NOSTRIN: variants seen among roughly 807,000 people sequenced by gnomAD.
NOSTRIN encodes nitric oxide synthase trafficking.
NOSTRIN carries 63 observed loss-of-function variants against 59.0 expected under a neutral mutation model. That is an observed-to-expected ratio of 1.07 (90% CI 0.87 to 1.32). The LOEUF (loss-of-function observed/expected upper bound fraction) is 1.32. Among genes scored for constraint, NOSTRIN ranks in the 40% most tolerant of loss-of-function variants. The probability of loss-of-function intolerance (pLI) is 0.00; values close to 1 mark genes in which losing one functional copy is unlikely to be tolerated. For missense variants in NOSTRIN, 512 were observed against 473.1 expected (o/e 1.08, Z -0.76); for synonymous variants, 200 against 165.4 (o/e 1.21, Z -1.61).
At chr2:168,830,818 CT>C (rs1247818006) in intron 5 of NOSTRIN, among the ~76,000 whole-genome samples, 2 of 152,190 alleles carry the variant, frequency 1.3e-5, no homozygotes, top group African/African-American at 4.8e-5. Context: ...GAGGTTTTTG[CT>C]GCATGGATTG....
intron 8 of NOSTRIN, among the ~76,000 whole-genome samples, chr2:168,844,064 A>C (rs1441236753): frequency 6.6e-6 from 1 of 152,236 alleles, no homozygotes; most frequent in Non-Finnish European, 1.5e-5. Context: ...AACCTCGAAA[A>C]ACATGATGTT....
chr2:168,849,981 T>C (rs1688661136), intron 8 of NOSTRIN, among the ~76,000 whole-genome samples: 1 of 150,768 alleles, frequency 6.6e-6, no homozygotes, highest in Admixed American at 6.6e-5. Context: ...AGTAGCATGA[T>C]CTCGGCTCAC....
chr2:168,818,414 T>C lies in NOSTRIN; in HGVS notation c.114-6220T>C, dbSNP rs150020594. 1.8e-3 allele frequency: 300 copies of C among 167,812 alleles called. 1 individual carries two copies. Among genetic ancestry groups the C allele is most frequent in the African/African-American group, 6.6e-3 (281 of 42,558 alleles). 10.4% of individuals were successfully genotyped at this position (167,812 alleles called of 1,614,324 possible). On this transcript the variant is annotated intron_variant, in intron 2 of 15. Transcript: ENST00000317647. The stretch of plus-strand genomic sequence containing the variant: ...TTAATGATTCTCCTACCTCGGCCTC[T>C]GGAGTAGATGGGATTAGAGGTGCAA...
intron 4 of NOSTRIN, 33 bp downstream of exon 4, chr2:168,828,253 C>A (rs777593240): frequency 1.1e-6 from 1 of 872,794 alleles, no homozygotes; most frequent in Admixed American, 1.7e-5. Context: ...TTCTCCAACT[C>A]CAAAGGGAAT....
Position 168,828,230 on chromosome 2 carries a change from C to G in NOSTRIN, c.260+10C>G. On this transcript the variant is annotated intron_variant, in intron 4 of 15. Transcript: ENST00000317647. Reference sequence around the variant, plus strand: ...CAGCGGACCTGCATCAGTGAGTTCTCCCACCCTGGCCTTTCTCCAACTCCA... The same window carrying G: ...CAGCGGACCTGCATCAGTGAGTTCTGCCACCCTGGCCTTTCTCCAACTCCA... 3 of 872,920 alleles carry G rather than the reference C, an allele frequency of 3.4e-6. No homozygotes were observed. The highest frequency in any genetic ancestry group is 6.0e-6 in the Non-Finnish European group (3 of 501,660). 54.1% of individuals were successfully genotyped at this position (872,920 alleles called of 1,614,324 possible).
chr2:168,847,390 C>T (rs1688494169), intron 8 of NOSTRIN, among the ~76,000 whole-genome samples: 1 of 152,094 alleles, frequency 6.6e-6, no homozygotes, highest in African/African-American at 2.4e-5. Flanking sequence ...TCCTGATCAC[C>T]TCCCTAGACC....
intron 2 of NOSTRIN, among the ~76,000 whole-genome samples, chr2:168,813,801 C>CAAAGA (rs1686269784): frequency 1.3e-5 from 2 of 152,032 alleles, no homozygotes; most frequent in Non-Finnish European, 2.9e-5. Flanking sequence ...TAATATTTTA[C>CAAAGA]CTAGATCAAA....
At position 168,851,328 on chromosome 2, in the gene NOSTRIN, A is replaced by T. The variant is rs775623768; in HGVS notation, c.779A>T (p.Asp260Val). The change falls in exon 10 of 16, where the codon GAT (aspartate) becomes GTT (valine). Residue 260 changes from aspartate (D) to valine (V), a missense_variant. Physicochemically the swap from Asp to Val is radical, Grantham distance 152 (BLOSUM62 -3). Coordinates refer to ENST00000317647, the MANE Select transcript of NOSTRIN (RefSeq NM_001039724.4). ...ATCAGCAAGATTGACATTGAAAAAG[A>T]TATCCAGGCTGTAATGGAAGAAACT... ...CAISKIDIEK[D>V]IQAVMEETAI... 1.1e-5 allele frequency: 17 copies of T among 1,613,846 alleles called. No individual in the cohort carries two copies. The Admixed American group carries it at 2.7e-4, about 25-fold the overall frequency.
intron 1 of NOSTRIN, among the ~76,000 whole-genome samples, chr2:168,808,466 T>C (rs1433329459): frequency 1.3e-5 from 2 of 152,210 alleles, no homozygotes; most frequent in Non-Finnish European, 2.9e-5. Context: ...AGCTTTATAG[T>C]GTGTTTGAGA....
intron 2 of NOSTRIN, among the ~76,000 whole-genome samples, chr2:168,821,767 A>C (rs1686756987): frequency 6.6e-6 from 1 of 152,242 alleles, no homozygotes; most frequent in South Asian, 2.1e-4. Flanking sequence ...GGCCACAGCA[A>C]GTGCAAAGGC....
At position 168,811,576 on chromosome 2, in the gene NOSTRIN, G is replaced by A; in HGVS notation, c.37G>A (p.Val13Ile). 2.4e-6 allele frequency: 2 copies of A among 850,978 alleles called. No individual in the cohort carries two copies. The highest frequency in any genetic ancestry group is 2.0e-6 in the Non-Finnish European group (1 of 492,482). 52.7% of individuals were successfully genotyped at this position (850,978 alleles called of 1,614,324 possible). A position where few individuals can be genotyped will look rare whatever the true frequency, so the allele number is the denominator to read the frequency against. The stretch of plus-strand genomic sequence containing the variant: ...TGTTCTTGTTTTTCAGTATAATAAA[G>A]TATACAAGAACCTAAAGGAGTTTTC... ...DPLTDCPYNK[V>I]YKNLKEFSQN... The change falls in exon 2 of 16, where the codon GTA (valine) becomes ATA (isoleucine). Residue 13 changes from valine to isoleucine, a missense_variant. Val to Ile is a conservative substitution (Grantham distance 29). Coordinates refer to ENST00000317647, the MANE Select transcript of NOSTRIN (RefSeq NM_001039724.4).
chr2:168,834,558 C>T (rs1687610068), intron 7 of NOSTRIN, among the ~76,000 whole-genome samples: 1 of 131,672 alleles, frequency 7.6e-6, no homozygotes, highest in Admixed American at 7.5e-5. Flanking sequence ...ACATTTTAAA[C>T]TTTATTTTAA....
At chr2:168,861,409 G>A (rs1312316831) in intron 14 of NOSTRIN, among the ~76,000 whole-genome samples, 1 of 151,378 alleles carries the variant, frequency 6.6e-6, no homozygotes, top group African/African-American at 2.4e-5. Flanking sequence ...ACACACACAC[G>A]TGTCACTGTA....
intron 11 of NOSTRIN, chr2:168,855,733 G>A: frequency 2.4e-6 from 1 of 419,426 alleles, no homozygotes; most frequent in South Asian, 2.6e-5. Context: ...CATTTTAACT[G>A]TGTTTCTGAA....
intron 2 of NOSTRIN, among the ~76,000 whole-genome samples, chr2:168,815,075 T>G (rs1040114693): frequency 2.6e-5 from 4 of 152,192 alleles, no homozygotes; most frequent in Admixed American, 2.0e-4. Flanking sequence ...GTATTAGCAC[T>G]TGGATACCAG....
chr2:168,823,077 C>T (rs1264845502), intron 2 of NOSTRIN, among the ~76,000 whole-genome samples: 4 of 152,248 alleles, frequency 2.6e-5, no homozygotes, highest in Admixed American at 1.3e-4. Context: ...CGTGCAGTGG[C>T]GCAATCTTGG....
upstream of NOSTRIN, among the ~76,000 whole-genome samples, chr2:168,798,824 T>TAGATAGATAGAC (rs10626753): frequency 1.8e-3 from 269 of 150,620 alleles, 2 homozygotes; most frequent in African/African-American, 4.9e-3. Context: ...GATAGATAGA[T>TAGATAGATAGAC]AGACAGACAG....
intron 1 of NOSTRIN, among the ~76,000 whole-genome samples, chr2:168,805,585 G>T (rs776690556): frequency 6.6e-6 from 1 of 152,192 alleles, no homozygotes; most frequent in African/African-American, 2.4e-5. Context: ...GTAACAAGCT[G>T]TAGCCAAATT....
In NOSTRIN at chr2:168,864,930, A is replaced by G; in HGVS notation, c.1481A>G (p.Glu494Gly). The G allele has an allele frequency of 1.2e-6, 2 of 1,614,120 alleles. No homozygotes were observed. The highest frequency in any genetic ancestry group is 1.7e-6 in the Non-Finnish European group (2 of 1,180,006). Residue 494 changes from glutamate to glycine, a missense_variant, in exon 16 of 16, where the codon GAG becomes GGG. Physicochemically the swap from Glu to Gly is moderately conservative, Grantham distance 98 (BLOSUM62 -2). Transcript: ENST00000317647. Reference sequence around the variant, plus strand: ...CATTTTCCTGCCGCTTATGTGGAGGAGTTACCTTCAAATGCTGGCAACACA... The same window carrying G: ...CATTTTCCTGCCGCTTATGTGGAGGGGTTACCTTCAAATGCTGGCAACACA... ...KGHFPAAYVE[E>G]LPSNAGNTAT...
Sources: gnomAD v4.1 joint callset for allele counts (sites outside exome capture counted in the v4.1 genomes callset) on GRCh38, gnomAD v4.1.1 for gene constraint, MANE v1.5 for transcripts, NCBI Gene and HGNC (gene_info 2026-07-23, HGNC 2026-07-21) for gene names.